The following SHROOM3 variants were observed in gnomAD, a reference collection of about 807,000 sequenced individuals.
The protein encoded by SHROOM3 is shroom family member 3.
In SHROOM3, 47 loss-of-function variants were observed where a neutral mutation model predicts 138.6. The observed-to-expected ratio is 0.34, with a 90% CI of 0.27 to 0.43. The LOEUF is 0.43. Ranked by LOEUF, SHROOM3 falls within the 20% of genes least tolerant of loss-of-function variation. SHROOM3 has a pLI of 1.00. For synonymous variants in SHROOM3, 1,062 were observed against 1,063.3 expected, an observed-to-expected ratio of 1.00 and a Z score of 0.02; for missense variants, 2,491 against 2,596.5, an observed-to-expected ratio of 0.96 and a Z score of 0.88.
intron 3 of SHROOM3, among the ~76,000 whole-genome samples, chr4:76,730,138 C>T (rs1302779902): frequency 6.6e-6 from 1 of 152,184 alleles, no homozygotes; most frequent in Non-Finnish European, 1.5e-5. Flanking sequence ...CTGAAGGACA[C>T]CCACATTTTC....
chr4:76,738,723 A>G (rs1417660737), intron 4 of SHROOM3, 38 bp from the exon 5 acceptor site: 2 of 1,611,412 alleles, frequency 1.2e-6, no homozygotes, highest in East Asian at 4.5e-5. Context: ...CTAAATGATA[A>G]CAGCTCAGTG....
At chr4:76,443,175 A>T (rs1321074524) in intron 1 of SHROOM3, among the ~76,000 whole-genome samples, 1 of 152,210 alleles carries the variant, frequency 6.6e-6, no homozygotes. Flanking sequence ...AGTCTTACGC[A>T]TTTTTTAGTA....
At chr4:76,663,190 T>C (rs1718590399) in intron 2 of SHROOM3, among the ~76,000 whole-genome samples, 1 of 152,168 alleles carries the variant, frequency 6.6e-6, no homozygotes. Flanking sequence ...ACTGGCTAAA[T>C]CTATTCCAAG....
At chr4:76,588,702 C>T (rs1219595752) in intron 2 of SHROOM3, among the ~76,000 whole-genome samples, 1 of 152,068 alleles carries the variant, frequency 6.6e-6, no homozygotes, top group East Asian at 1.9e-4. Context: ...TCCCTTAGCT[C>T]AATGTGCTCT....
chr4:76,483,754 C>T (rs575836686), intron 1 of SHROOM3, among the ~76,000 whole-genome samples: 42 of 152,252 alleles, frequency 2.8e-4, no homozygotes, highest in African/African-American at 9.9e-4. Context: ...AAATACCCAT[C>T]AATGACAGAC....
At chr4:76,748,785 G>A (rs1362391725) in intron 5 of SHROOM3, among the ~76,000 whole-genome samples, 1 of 147,328 alleles carries the variant, frequency 6.8e-6, no homozygotes, top group African/African-American at 2.5e-5. Flanking sequence ...CACCTGGTGA[G>A]ACAGACTGAA....
In SHROOM3 at chr4:76,783,182, A is replaced by C. The variant is rs1722775212; in HGVS notation, c.*4005A>C. 6.6e-6 allele frequency: 1 copy of C among 152,216 alleles called. No individual in the cohort carries two copies. Among genetic ancestry groups the C allele is most frequent in the Non-Finnish European group, 1.5e-5 (1 of 68,038 alleles). 9.4% of individuals were successfully genotyped at this position (152,216 alleles called of 1,614,324 possible). ...GACTAACATGAATTTAATAATCTGA[A>C]TAATTTTTAAAATTTAAATAAACAG... On this transcript the variant is annotated 3_prime_UTR_variant, in exon 11 of 11. Transcript: ENST00000296043.
At chr4:76,527,223 GT>G (rs1341977109) in intron 1 of SHROOM3, among the ~76,000 whole-genome samples, 3 of 152,178 alleles carry the variant, frequency 2.0e-5, no homozygotes, top group Non-Finnish European at 2.9e-5. Context: ...GTACTCTGTG[GT>G]TTTTCCCTTC....
chr4:76,468,289 A>T (rs1731289126), intron 1 of SHROOM3, among the ~76,000 whole-genome samples: 1 of 152,230 alleles, frequency 6.6e-6, no homozygotes, highest in African/African-American at 2.4e-5. Context: ...TCTTGGCAGT[A>T]TCTGTTGGAA....
intron 2 of SHROOM3, among the ~76,000 whole-genome samples, chr4:76,612,361 C>G (rs1270312989): frequency 2.0e-5 from 3 of 152,126 alleles, no homozygotes; most frequent in African/African-American, 7.2e-5. Context: ...TATAGAAATA[C>G]TTAAAACTTT....
intron 2 of SHROOM3, among the ~76,000 whole-genome samples, chr4:76,699,055 T>C (rs1017608825): frequency 6.6e-6 from 1 of 152,216 alleles, no homozygotes; most frequent in Non-Finnish European, 1.5e-5. Flanking sequence ...GCCATGTTGA[T>C]TGAACAATGA....
intron 1 of SHROOM3, among the ~76,000 whole-genome samples, chr4:76,442,733 T>C (rs965519805): frequency 6.6e-5 from 10 of 152,068 alleles, no homozygotes; most frequent in African/African-American, 2.2e-4. Flanking sequence ...TTTCTATGAA[T>C]CCTAGCTCCC....
rs528092535 is a variant in SHROOM3 at position 76,555,780 on chromosome 4, C to T, written c.323+17C>T. On this transcript the variant is annotated intron_variant, in intron 2 of 10. Coordinates refer to ENST00000296043, the MANE Select transcript of SHROOM3 (RefSeq NM_020859.4). Reference sequence around the variant, plus strand: ...AGTGCGCAGGTAGGTGGCAGACCCCCACCCTGTCCCTCCTACCACCTCACC... The same window carrying T: ...AGTGCGCAGGTAGGTGGCAGACCCCTACCCTGTCCCTCCTACCACCTCACC... 1.7e-5 allele frequency: 27 copies of T among 1,609,688 alleles called. 1 individual carries two copies. In the South Asian group the frequency reaches 2.3e-4, roughly 14 times the overall value.
At position 76,500,340 on chromosome 4, in the gene SHROOM3, C is replaced by A. The variant is rs547699394; in HGVS notation, c.169-55269C>A. 9.1e-4 allele frequency among the ~76,000 whole-genome samples: 139 copies of A among 152,262 alleles called. 1 individual carries two copies. The highest frequency in any genetic ancestry group is 1.7e-3 in the Non-Finnish European group (119 of 68,006). ...TGTTAGAGGACACAGCTCCTGTTGG[C>A]CAGCCGCTCTTGCAGCTACAGGTCT... On this transcript the variant is annotated intron_variant, in intron 1 of 10. Transcript: ENST00000296043.
intron 1 of SHROOM3, among the ~76,000 whole-genome samples, chr4:76,447,011 ACT>A (rs1730820835): frequency 1.3e-5 from 2 of 151,218 alleles, no homozygotes; most frequent in African/African-American, 4.9e-5. Flanking sequence ...CTAATAGTAC[ACT>A]CTCTTGGCAC....
At chr4:76,530,317 T>G (rs1000023182) in intron 1 of SHROOM3, among the ~76,000 whole-genome samples, 1 of 152,210 alleles carries the variant, frequency 6.6e-6, no homozygotes, top group Non-Finnish European at 1.5e-5. Context: ...TTTTGGAACT[T>G]CATGTTCATT....
At chr4:76,585,129 T>G (rs1178926157) in intron 2 of SHROOM3, among the ~76,000 whole-genome samples, 1 of 152,178 alleles carries the variant, frequency 6.6e-6, no homozygotes, top group Admixed American at 6.5e-5. Context: ...TGCTTCAGAC[T>G]TTGTTGGTGT....
rs1207013136 is a variant in SHROOM3, at chr4:76,741,727, G to A, written c.3554G>A (p.Arg1185His). ...AGGRRLGERR[R>H]GDLLSGANGG... ...GGCCGCCGCCTCGGGGAACGGCGAC[G>A]CGGGGACCTGCTTAGCGGAGCAAAC... The change falls in exon 5 of 11, where the codon CGC (arginine) becomes CAC (histidine). Residue 1185 changes from arginine (R) to histidine (H), a missense_variant. Arg to His is a conservative substitution (Grantham distance 29). Coordinates refer to ENST00000296043, the MANE Select transcript of SHROOM3 (RefSeq NM_020859.4). This position sits in a 1 kb window ranked among gnomAD's most constrained non-coding sequence, Gnocchi z 6.2. 3.2e-6 allele frequency: 5 copies of A among 1,556,990 alleles called. No homozygotes were observed. Among genetic ancestry groups the A allele is most frequent in the East Asian group, 2.4e-5 (1 of 41,664 alleles).
intron 2 of SHROOM3, among the ~76,000 whole-genome samples, chr4:76,668,158 C>T (rs1040439512): frequency 3.3e-5 from 5 of 151,846 alleles, no homozygotes; most frequent in Admixed American, 6.6e-5. Context: ...GAGGAGACTC[C>T]GGCGCTCCCC....
Sources: allele counts gnomAD v4.1 joint callset (sites outside exome capture counted in the v4.1 genomes callset), GRCh38; gene constraint gnomAD v4.1.1; non-coding constraint Gnocchi (gnomAD v3.1); transcripts MANE v1.5; gene names NCBI Gene and HGNC (gene_info 2026-07-23, HGNC 2026-07-21).